The following MTHFD1L variants were observed in gnomAD, a reference collection of about 807,000 sequenced individuals.
MTHFD1L encodes the protein methylenetetrahydrofolate dehydrogenase (NADP+ dependent) 1 like.
A neutral mutation model predicts 119.5 loss-of-function variants in MTHFD1L; 81 were observed. The observed-to-expected ratio is 0.68, with a 90% confidence interval of 0.57 to 0.82. MTHFD1L has a LOEUF of 0.82. MTHFD1L is among the 40% of genes least tolerant of loss of function. MTHFD1L has a pLI of 0.00. For synonymous variants in MTHFD1L, 430 were observed against 475.2 expected (o/e 0.90, Z 1.24); for missense variants, 1,125 against 1,253.4 (o/e 0.90, Z 1.55).
intron 1 of MTHFD1L, among the ~76,000 whole-genome samples, chr6:150,870,366 A>G (rs1407794406): frequency 6.6e-6 from 1 of 152,176 alleles, no homozygotes; most frequent in Non-Finnish European, 1.5e-5. Context: ...GAAACATTAC[A>G]CATATAACAA....
rs2128545871 is a variant in MTHFD1L at position 151,039,362 on chromosome 6, A to G, written c.2847+2245A>G. Among the ~76,000 whole-genome samples the G allele has an allele frequency of 6.6e-6, 1 of 152,178 alleles. No individual in the cohort carries two copies. Among genetic ancestry groups the G allele is most frequent in the African/African-American group, 2.4e-5 (1 of 41,518 alleles). On this transcript the variant is annotated intron_variant, in intron 26 of 27. Coordinates refer to ENST00000367321, the MANE Select transcript of MTHFD1L (RefSeq NM_015440.5). The surrounding 1 kb of genome is among the most constrained non-coding windows in gnomAD (Gnocchi z 4.4). ...TTTGACTGCAGAGGGGCAGGAGGGA[A>G]CTTTTTGGGATAATGCAAATACCCT... is the stretch of plus-strand genomic sequence containing the variant.
intron 19 of MTHFD1L, among the ~76,000 whole-genome samples, chr6:150,970,475 A>G (rs933475731): frequency 3.3e-5 from 5 of 152,206 alleles, no homozygotes; most frequent in African/African-American, 7.2e-5. Flanking sequence ...TCAGTTCTTC[A>G]GTCATTTTAG....
intron 19 of MTHFD1L, among the ~76,000 whole-genome samples, chr6:150,968,379 A>T (rs1797529829): frequency 6.6e-6 from 1 of 152,260 alleles, no homozygotes; most frequent in South Asian, 2.1e-4. Flanking sequence ...ATACACATTT[A>T]TTAATAAATA....
At chr6:150,987,342 A>G (rs1778451449) in intron 20 of MTHFD1L, among the ~76,000 whole-genome samples, 1 of 152,204 alleles carries the variant, frequency 6.6e-6, no homozygotes, top group South Asian at 2.1e-4. Context: ...GACCTAACAT[A>G]CAAGGCAGTG....
At chr6:150,927,478 A>G (rs899941027) in intron 11 of MTHFD1L, among the ~76,000 whole-genome samples, 7 of 133,574 alleles carry the variant, frequency 5.2e-5, no homozygotes, top group African/African-American at 2.0e-4. Context: ...TTTTTTTGAG[A>G]CAGAGTCTTG....
intron 17 of MTHFD1L, among the ~76,000 whole-genome samples, chr6:150,956,471 T>C (rs2128989223): frequency 6.6e-6 from 1 of 152,318 alleles, no homozygotes; most frequent in South Asian, 2.1e-4. Context: ...CACCTAGTTA[T>C]TAGACTTAAT....
intron 26 of MTHFD1L, among the ~76,000 whole-genome samples, chr6:151,064,119 G>A (rs912259445): frequency 2.6e-5 from 4 of 151,404 alleles, no homozygotes; most frequent in African/African-American, 9.7e-5. Flanking sequence ...TTAAAGTTCT[G>A]GAGAATCAAT....
At chr6:150,900,907 C>T (rs1290794475) in intron 7 of MTHFD1L, among the ~76,000 whole-genome samples, 9 of 150,614 alleles carry the variant, frequency 6.0e-5, no homozygotes, top group Admixed American at 3.3e-4. Flanking sequence ...CCCAGCTACT[C>T]GGGAGGCTGA....
chr6:151,056,921 T>C (rs117922034), intron 26 of MTHFD1L, among the ~76,000 whole-genome samples: 4,897 of 152,346 alleles, frequency 0.032, 155 homozygotes, highest in Admixed American at 0.099. Context: ...GAATGAATTT[T>C]TTTCAGTCCT....
At chr6:150,936,679 GA>G in intron 11 of MTHFD1L, 124 bp from the exon 12 acceptor site, 1 of 1,195,194 alleles carries the variant, frequency 8.4e-7, no homozygotes, top group South Asian at 1.4e-5. Flanking sequence ...AATAGCCCGA[GA>G]AAATTAAATT....
intron 4 of MTHFD1L, among the ~76,000 whole-genome samples, chr6:150,880,110 T>G (rs1189823546): frequency 6.6e-6 from 1 of 152,222 alleles, no homozygotes; most frequent in African/African-American, 2.4e-5. Flanking sequence ...TGGTGATAGC[T>G]TTCAAGATCT....
At position 150,926,781 on chromosome 6, in the gene MTHFD1L, A is replaced by G. The variant is rs1238946353; in HGVS notation, c.1256+486A>G. Among the ~76,000 whole-genome samples, 1 of 152,190 alleles carries G rather than the reference A, an allele frequency of 6.6e-6. No individual in the cohort carries two copies. The highest frequency in any genetic ancestry group is 2.4e-5 in the African/African-American group (1 of 41,424). On this transcript the variant is annotated intron_variant, in intron 11 of 27. Coordinates refer to ENST00000367321, the MANE Select transcript of MTHFD1L (RefSeq NM_015440.5). The surrounding 1 kb of genome is among the most constrained non-coding windows in gnomAD (Gnocchi z 4.3). ...ATTATTTCCCTTTTTCTGCATTTCA[A>G]AACTAATGTTGGGCCATTTTCATTT...
At chr6:150,950,138 C>T (rs932751688) in intron 16 of MTHFD1L, among the ~76,000 whole-genome samples, 20 of 152,174 alleles carry the variant, frequency 1.3e-4, no homozygotes, top group African/African-American at 2.2e-4. Flanking sequence ...AGAGATATCC[C>T]GTTGTGATCA....
At chr6:150,935,147 G>A in intron 11 of MTHFD1L, 1 of 1,613,172 alleles carries the variant, frequency 6.2e-7, no homozygotes, top group Non-Finnish European at 8.5e-7. Context: ...GAAAATTAAG[G>A]TAAGCTTGGG....
intron 20 of MTHFD1L, among the ~76,000 whole-genome samples, chr6:150,997,195 C>T (rs2128457705): frequency 6.6e-6 from 1 of 152,300 alleles, no homozygotes; most frequent in Middle Eastern, 3.4e-3. Context: ...ACCTGTCTTT[C>T]CTGTAGGGCA....
chr6:151,029,526 G>A (rs1341668407), intron 24 of MTHFD1L, among the ~76,000 whole-genome samples: 1 of 151,940 alleles, frequency 6.6e-6, no homozygotes, highest in East Asian at 1.9e-4. Context: ...GCCAGGCACA[G>A]TGGCTCACGC....
intron 26 of MTHFD1L, among the ~76,000 whole-genome samples, chr6:151,040,126 T>C (rs1786867885): frequency 6.6e-6 from 1 of 151,900 alleles, no homozygotes; most frequent in African/African-American, 2.4e-5. Context: ...GAGCATGAAA[T>C]GGTAGAGTAG....
chr6:151,009,584 C>T (rs1169955185), intron 20 of MTHFD1L, among the ~76,000 whole-genome samples: 2 of 151,938 alleles, frequency 1.3e-5, no homozygotes, highest in East Asian at 3.9e-4. Flanking sequence ...AAAGTCTTGG[C>T]CTGGCCACCA....
At chr6:150,893,335 A>G (rs1409108795) in intron 7 of MTHFD1L, among the ~76,000 whole-genome samples, 2 of 152,146 alleles carry the variant, frequency 1.3e-5, no homozygotes, top group Non-Finnish European at 2.9e-5. Context: ...AAAGTGCTGG[A>G]ATTAGAGGCC....
Sources: gnomAD v4.1 joint callset for allele counts (sites outside exome capture counted in the v4.1 genomes callset) on GRCh38, gnomAD v4.1.1 for gene constraint, Gnocchi (gnomAD v3.1) non-coding constraint, MANE v1.5 for transcripts, NCBI Gene and HGNC (gene_info 2026-07-23, HGNC 2026-07-21) for gene names.